Variants in L1CAM observed in about 807,000 individuals in gnomAD.
L1CAM encodes L1 cell adhesion molecule, also known as neural cell adhesion molecule L1.
L1CAM carries 8 observed loss-of-function variants against 93.0 expected under a neutral mutation model. That is an observed-to-expected ratio of 0.09 (90% CI 0.05 to 0.16). L1CAM has a LOEUF of 0.16. Ranked by LOEUF, L1CAM falls within the 10% of genes least tolerant of loss-of-function variation. The pLI is 1.00. For synonymous variants in L1CAM, 453 were observed against 453.0 expected (o/e 1.00, Z 0.00); for missense variants, 777 against 1,073.4 (o/e 0.72, Z 3.86).
At position 153,862,744 on chromosome X, in the gene L1CAM, G is replaced by T. The variant is rs1378164083; in HGVS notation, c.3693C>A (p.Gly1231=). ...EDGSFIGQYS[G]KKEKEAAGGN... is the part of the protein sequence containing the mutation. ...CCCCTGCCGCCTCCTTCTCCTTCTTGCCACTGTACTGGCCAATGAACGAAC... is the reference window on the plus strand; with the variant it reads ...CCCCTGCCGCCTCCTTCTCCTTCTTTCCACTGTACTGGCCAATGAACGAAC... Residue 1231 remains glycine, a synonymous_variant, in exon 29 of 29, where the codon GGC becomes GGA. Transcript: ENST00000370060. 3 of 1,210,978 alleles carry T rather than the reference G, an allele frequency of 2.5e-6. No individual in the cohort carries two copies. The African/African-American group carries it at 5.2e-5, about 21-fold the overall frequency.
At chrX:153,877,631 A>G (rs2064823488) in intron 1 of L1CAM, among the ~76,000 whole-genome samples, 1 of 111,720 alleles carries the variant, frequency 9.0e-6, no homozygotes, top group South Asian at 3.7e-4. Context: ...CCATCTCAAA[A>G]AAAAGAGAGA....
intron 5 of L1CAM, among the ~76,000 whole-genome samples, chrX:153,871,393 GCAGGAGA>G (rs2064768283): frequency 9.0e-6 from 1 of 111,206 alleles, no homozygotes; most frequent in African/African-American, 3.3e-5. Context: ...GCCAGGGTGA[GCAGGAGA>G]CCAGGAGGCC....
At chrX:153,880,722 G>A (rs1693554884) in intron 1 of L1CAM, 2 of 333,652 alleles carry the variant, frequency 6.0e-6, no homozygotes, top group East Asian at 9.8e-5. Context: ...CCCAGAGGTG[G>A]GGGAAGCCAG....
chrX:153,884,021 G>A (rs1557096350), intron 1 of L1CAM: 2 of 358,434 alleles, frequency 5.6e-6, no homozygotes, highest in Admixed American at 3.1e-5. Flanking sequence ...GCCGATTGGG[G>A]GCACAATCTG....
intron 1 of L1CAM, among the ~76,000 whole-genome samples, chrX:153,879,774 C>CG (rs1443632475): frequency 2.3e-4 from 15 of 66,641 alleles, no homozygotes; most frequent in Non-Finnish European, 2.2e-4. Flanking sequence ...ATTCCTGCTG[C>CG]GGGTAGGAAC....
intron 1 of L1CAM, among the ~76,000 whole-genome samples, chrX:153,879,938 G>C (rs2064835811): frequency 8.9e-6 from 1 of 112,071 alleles, no homozygotes; most frequent in South Asian, 3.7e-4. Context: ...TGGCCGCTGT[G>C]CTGGGGCAGT....
chrX:153,864,089 C>G (rs2064689380), intron 25 of L1CAM, 72 bp from the exon 26 acceptor site: 1 of 1,189,763 alleles, frequency 8.4e-7, no homozygotes, highest in Non-Finnish European at 1.1e-6. Flanking sequence ...GAAGTATGCT[C>G]TTAAAGTTGG....
intron 1 of L1CAM, among the ~76,000 whole-genome samples, chrX:153,882,521 T>A (rs1163322090): frequency 9.3e-6 from 1 of 107,122 alleles, no homozygotes; most frequent in Non-Finnish European, 1.9e-5. Flanking sequence ...TACTGGAGGT[T>A]ACACACACAC....
chrX:153,863,779 T>C (rs1298496712), intron 26 of L1CAM, 104 bp downstream of exon 26: 18 of 1,101,614 alleles, frequency 1.6e-5, no homozygotes, highest in Non-Finnish European at 2.1e-5. Flanking sequence ...TGTCATCTTG[T>C]GGGGAGCTCG....
In L1CAM at chrX:153,863,963, A is replaced by G; in HGVS notation, c.3377T>C (p.Phe1126Ser). The change falls in exon 26 of 29, where the codon TTT becomes TCT. Residue 1126 changes from phenylalanine (F) to serine (S), a missense_variant. Physicochemically the swap from Phe to Ser is radical, Grantham distance 155. Coordinates refer to ENST00000370060, the MANE Select transcript of L1CAM (RefSeq NM_001278116.2). The part of the protein sequence containing the change: ...GFATEGWFIG[F>S]VSAIILLLLV... ...GAGCAGGAGGATGATGGCACTCACA[A>G]AGCCGATGAACCAGCCCTCAGTGGC... 1 of 1,212,171 alleles carries G rather than the reference A, an allele frequency of 8.2e-7. No individual in the cohort carries two copies. Among genetic ancestry groups the G allele is most frequent in the Non-Finnish European group, 1.1e-6 (1 of 895,499 alleles).
At chrX:153,883,997 C>G (rs1325630186) in intron 1 of L1CAM, 1 of 345,943 alleles carries the variant, frequency 2.9e-6, no homozygotes, top group Non-Finnish European at 5.8e-6. Flanking sequence ...GGAAAGGGCT[C>G]GGACCTGGGA....
intron 19 of L1CAM, 180 bp from the exon 20 acceptor site, chrX:153,865,999 G>C (rs142213296): frequency 5.9e-5 from 26 of 442,731 alleles, no homozygotes; most frequent in African/African-American, 5.9e-4. Flanking sequence ...AGTTGCAAAG[G>C]TGAAAATAGT....
chrX:153,884,268 G>A (rs782627366), intron 1 of L1CAM: 12 of 1,008,972 alleles, frequency 1.2e-5, no homozygotes, highest in Non-Finnish European at 1.0e-5. Flanking sequence ...GATCCTGAGC[G>A]CCTGGGTAGG....
At chrX:153,870,319 G>A in intron 8 of L1CAM, 69 bp downstream of exon 8, 1 of 1,173,225 alleles carries the variant, frequency 8.5e-7, no homozygotes, top group Non-Finnish European at 1.2e-6. Context: ...ACCCCGCGGT[G>A]GTCTGAGCTC....
At chrX:153,867,185 G>A (rs2064721688) in intron 17 of L1CAM, 61 bp from the exon 18 acceptor site, 4 of 1,061,165 alleles carry the variant, frequency 3.8e-6, no homozygotes, top group East Asian at 3.0e-5. Flanking sequence ...CACGAGGACC[G>A]AGGGCCAAGG....
chrX:153,863,330 AC>A (rs1557089512), intron 28 of L1CAM, 37 bp downstream of exon 28: 1 of 1,194,561 alleles, frequency 8.4e-7, no homozygotes, highest in South Asian at 1.8e-5. Flanking sequence ...CTATAGGGAG[AC>A]CTTGCTGTTG....
In L1CAM at chrX:153,865,204, C is replaced by T. The variant is rs1394000955; in HGVS notation, c.2756G>A (p.Gly919Asp). 1.7e-6 allele frequency: 2 copies of T among 1,207,899 alleles called. No homozygotes were observed. The highest frequency in any genetic ancestry group is 2.3e-4 in the Middle Eastern group (1 of 4,351). ...CTCCAGGTGCAACGCCTCGGGGTGG[C>T]CAGGCACTGCAGGGCACAGAACCGA... ...FTFSTPEGVP[G>D]HPEALHLECQ... is the part of the protein sequence containing the mutation. Residue 919 changes from glycine (G) to aspartate (D), a missense_variant, in exon 22 of 29, where the codon GGC becomes GAC. Gly to Asp is a moderately conservative substitution (Grantham distance 94, BLOSUM62 -1). Coordinates refer to ENST00000370060, the MANE Select transcript of L1CAM (RefSeq NM_001278116.2).
At chrX:153,870,560 G>A (rs2064759780) in intron 7 of L1CAM, 61 bp from the exon 8 acceptor site, 2 of 996,172 alleles carry the variant, frequency 2.0e-6, no homozygotes, top group African/African-American at 1.9e-5. Flanking sequence ...GAATTGCAAG[G>A]CTGAGGGACT....
intron 11 of L1CAM, 86 bp from the exon 12 acceptor site, chrX:153,869,038 C>T (rs1279059022): frequency 1.7e-5 from 13 of 777,156 alleles, no homozygotes; most frequent in African/African-American, 4.1e-5. Context: ...ACGGCTTCCT[C>T]GGGCCCCCAA....
Sources: allele counts gnomAD v4.1 joint callset (sites outside exome capture counted in the v4.1 genomes callset), GRCh38; gene constraint gnomAD v4.1.1; transcripts MANE v1.5; gene names NCBI Gene and HGNC (gene_info 2026-07-23, HGNC 2026-07-21).